CHD7: variants seen among roughly 807,000 people sequenced by gnomAD.
CHD7 encodes chromodomain helicase DNA binding protein 7, also known as ATP-dependent chromatin remodeler CHD7.
In CHD7, 24 loss-of-function variants were observed where a neutral mutation model predicts 307.3. The ratio of observed to expected loss-of-function variants is 0.08; its 90% CI spans 0.06 to 0.11. The LOEUF (loss-of-function observed/expected upper bound fraction) is 0.11. CHD7 is among the 10% of genes least tolerant of loss of function. The probability of loss-of-function intolerance (pLI) is 1.00; values close to 1 mark genes in which losing one functional copy is unlikely to be tolerated. For missense variants in CHD7, 3,106 were observed against 3,727.1 expected (o/e 0.83, Z 4.34); for synonymous variants, 1,363 against 1,349.9 (o/e 1.01, Z -0.21).
chr8:60,713,269 G>A (rs1313342079), intron 1 of CHD7, among the ~76,000 whole-genome samples: 7 of 151,810 alleles, frequency 4.6e-5, no homozygotes, highest in Non-Finnish European at 8.8e-5. Flanking sequence ...GCGCCACCAC[G>A]CTTGGCTAAT....
chr8:60,803,520 C>T (rs578144274), intron 6 of CHD7, among the ~76,000 whole-genome samples: 1 of 152,190 alleles, frequency 6.6e-6, no homozygotes, highest in East Asian at 1.9e-4. Flanking sequence ...GATTAAAAAT[C>T]ACTGTACAGG....
chr8:60,845,096 G>A (rs777077543), intron 22 of CHD7, 33 bp downstream of exon 22: 1 of 1,607,102 alleles, frequency 6.2e-7, no homozygotes, highest in African/African-American at 1.3e-5. Context: ...GTGCTACAGG[G>A]TCACAAAGCC....
Position 60,841,970 on chromosome 8 carries a change from A to C in CHD7, c.4768A>C (p.Lys1590Gln). The stretch of plus-strand genomic sequence containing the variant: ...TGATTCTGAAGAAAAGCCCTGTGCA[A>C]AGCCACGGCGTCCCCAGGATAAGTC... ...ESDSEEKPCAKPRRPQDKSQG... is the reference protein window; with the variant it reads ...ESDSEEKPCAQPRRPQDKSQG... Residue 1590 changes from lysine to glutamine, a missense_variant, in exon 21 of 38, where the codon AAG (lysine) becomes CAG (glutamine). Coordinates refer to ENST00000423902, the MANE Select transcript of CHD7 (RefSeq NM_017780.4). The C allele has an allele frequency of 6.2e-7, 1 of 1,613,742 alleles. No individual in the cohort carries two copies. The highest frequency in any genetic ancestry group is 1.1e-5 in the South Asian group (1 of 90,992).
intron 6 of CHD7, among the ~76,000 whole-genome samples, chr8:60,806,406 A>T (rs117528780): frequency 0.015 from 2,262 of 152,252 alleles, 37 homozygotes; most frequent in Non-Finnish European, 0.023. Flanking sequence ...GGCTAGAGAG[A>T]AAAAGGTAGG....
chr8:60,759,393 C>A (rs1810049827), intron 2 of CHD7, among the ~76,000 whole-genome samples: 1 of 150,662 alleles, frequency 6.6e-6, no homozygotes, highest in Non-Finnish European at 1.5e-5. Context: ...CTCCCTCTCC[C>A]TCTCTCTCTC....
At chr8:60,850,895 A>C in intron 26 of CHD7, 137 bp from the exon 27 acceptor site, 1 of 704,738 alleles carries the variant, frequency 1.4e-6, no homozygotes. Flanking sequence ...TGTTTTAAAT[A>C]CTGATAGAGT....
intron 3 of CHD7, among the ~76,000 whole-genome samples, chr8:60,788,622 T>C (rs1403442266): frequency 6.6e-6 from 1 of 152,110 alleles, no homozygotes; most frequent in Non-Finnish European, 1.5e-5. Flanking sequence ...GAGTTGAGGG[T>C]GGCGAGGCAC....
chr8:60,752,972 GA>G (rs1809708392), intron 2 of CHD7, among the ~76,000 whole-genome samples: 1 of 152,168 alleles, frequency 6.6e-6, no homozygotes, highest in South Asian at 2.1e-4. Flanking sequence ...GGGAGAAATG[GA>G]ACTGGGACAA....
At chr8:60,739,341 C>A (rs769599389) in intron 1 of CHD7, among the ~76,000 whole-genome samples, 1 of 152,198 alleles carries the variant, frequency 6.6e-6, no homozygotes, top group Non-Finnish European at 1.5e-5. Flanking sequence ...GTATTTATTT[C>A]TTTGAAAGTT....
chr8:60,845,191 C>T, intron 22 of CHD7, 59 bp from the exon 23 acceptor site: 4 of 1,577,544 alleles, frequency 2.5e-6, no homozygotes, highest in Non-Finnish European at 3.5e-6. Flanking sequence ...AGCTCTCTGC[C>T]ATTGACACTA....
chr8:60,823,437 AGAT>A (rs1265371946), intron 12 of CHD7, among the ~76,000 whole-genome samples: 10 of 144,140 alleles, frequency 6.9e-5, no homozygotes, highest in Non-Finnish European at 6.1e-5. Flanking sequence ...ATAGATAGAT[AGAT>A]GTGTGTGTGC....
At chr8:60,852,352 A>G in intron 29 of CHD7, 105 bp downstream of exon 29, 1 of 1,315,022 alleles carries the variant, frequency 7.6e-7, no homozygotes, top group Non-Finnish European at 1.0e-6. Context: ...GTGACCACCA[A>G]AGAAAGGCTC....
At chr8:60,785,983 T>C (rs962667236) in intron 3 of CHD7, among the ~76,000 whole-genome samples, 2 of 152,234 alleles carry the variant, frequency 1.3e-5, no homozygotes, top group African/African-American at 4.8e-5. Flanking sequence ...ATGTGTGTGA[T>C]GATAAATGAA....
In CHD7 at chr8:60,741,942, G is replaced by T; in HGVS notation, c.510G>T (p.Pro170=). The T allele has an allele frequency of 6.2e-7, 1 of 1,613,362 alleles. No homozygotes were observed. The highest frequency in any genetic ancestry group is 8.5e-7 in the Non-Finnish European group (1 of 1,179,684). The change falls in exon 2 of 38, where the codon CCG becomes CCT. Residue 170 remains proline (P), a synonymous_variant. Transcript: ENST00000423902. ...YQQQQPQPQP[P]QPAPSGPPAQ... ...AGCAGCAGCCACAGCCGCAGCCACC[G>T]CAGCCGGCTCCGTCGGGGCCCCCTG...
intron 2 of CHD7, among the ~76,000 whole-genome samples, chr8:60,780,498 T>C (rs1179949513): frequency 2.0e-5 from 3 of 152,244 alleles, no homozygotes; most frequent in Admixed American, 2.0e-4. Context: ...TTGTATTAGA[T>C]TTATGTGTTA....
At chr8:60,684,839 A>C (rs1172324692) in intron 1 of CHD7, among the ~76,000 whole-genome samples, 1 of 152,170 alleles carries the variant, frequency 6.6e-6, no homozygotes. Context: ...AGAGAGGACA[A>C]TAGGTTGTAG....
In CHD7 at chr8:60,732,571, G is replaced by T. The variant is rs543082572; in HGVS notation, c.-174-8688G>T. On this transcript the variant is annotated intron_variant, in intron 1 of 37. Coordinates refer to ENST00000423902, the MANE Select transcript of CHD7 (RefSeq NM_017780.4). Reference sequence around the variant, plus strand: ...ATCACCTGGAGCTTCTGTGTGTCAAGTCAGTAGCTTGAAATAAGTCTAGAA... The same window carrying T: ...ATCACCTGGAGCTTCTGTGTGTCAATTCAGTAGCTTGAAATAAGTCTAGAA... Among the ~76,000 whole-genome samples, 3 of 152,304 alleles carry T rather than the reference G, an allele frequency of 2.0e-5. No individual in the cohort carries two copies. In the East Asian group the frequency reaches 5.8e-4, roughly 29 times the overall value.
chr8:60,845,496 A>G (rs1805166556), intron 23 of CHD7, 87 bp downstream of exon 23: 6 of 1,414,658 alleles, frequency 4.2e-6, no homozygotes, highest in Non-Finnish European at 5.8e-6. Flanking sequence ...ACGTCTGCAG[A>G]TGCAGAACTC....
chr8:60,813,626 GT>G (rs1157142076), intron 7 of CHD7, among the ~76,000 whole-genome samples: 2 of 152,040 alleles, frequency 1.3e-5, no homozygotes, highest in East Asian at 3.8e-4. Context: ...TTTGTCAAAT[GT>G]TTTTGCAGTG....
Sources: allele counts gnomAD v4.1 joint callset (sites outside exome capture counted in the v4.1 genomes callset), GRCh38; gene constraint gnomAD v4.1.1; transcripts MANE v1.5; gene names NCBI Gene and HGNC (gene_info 2026-07-23, HGNC 2026-07-21).